EPSTI1: variants seen among roughly 807,000 people sequenced by gnomAD.
The protein encoded by EPSTI1 is epithelial-stromal interaction protein 1.
EPSTI1 carries 66 observed loss-of-function variants against 49.9 expected under a neutral mutation model. The observed-to-expected ratio is 1.32, with a 90% CI of 1.08 to 1.62. EPSTI1 has a LOEUF of 1.62. Among genes scored for constraint, EPSTI1 ranks in the 40% most tolerant of loss-of-function variants. EPSTI1 has a pLI of 0.00. For missense variants in EPSTI1, 394 were observed against 365.5 expected, an observed-to-expected ratio of 1.08 and a Z score of -0.64; for synonymous variants, 137 against 130.7, an observed-to-expected ratio of 1.05 and a Z score of -0.33.
rs1201718584 is a variant in EPSTI1, at chr13:42,886,757, G to GAAGT, written c.*1733_*1736dup. ...ACATATTCTAGATAGTTCTGGTCATGAAGTAAGTCACAATTTTCCATATCT... is the reference window on the plus strand; with the variant it reads ...ACATATTCTAGATAGTTCTGGTCATGAAGTAAGTAAGTCACAATTTTCCATATCT... On this transcript the variant is annotated 3_prime_UTR_variant, in exon 11 of 11. Coordinates refer to ENST00000313624, the MANE Select transcript of EPSTI1 (RefSeq NM_033255.5). 2 of 152,154 alleles carry GAAGT rather than the reference G, an allele frequency of 1.3e-5. No homozygotes were observed. Among genetic ancestry groups the GAAGT allele is most frequent in the African/African-American group, 4.8e-5 (2 of 41,426 alleles). The allele number at this position is 152,154 out of a possible 1,614,324, so 9.4% of individuals were successfully genotyped here.
intron 10 of EPSTI1, 103 bp from the exon 11 acceptor site, chr13:42,888,605 A>G (rs1048607318): frequency 1.8e-5 from 22 of 1,205,120 alleles, no homozygotes; most frequent in Non-Finnish European, 2.5e-5. Context: ...TTATGCATCA[A>G]GCTGAAATGA....
At chr13:42,904,586 T>C (rs1408158) in intron 8 of EPSTI1, among the ~76,000 whole-genome samples, 21,348 of 152,166 alleles carry the variant, frequency 0.14, 1,837 homozygotes, top group East Asian at 0.4. Flanking sequence ...AGTTATATTA[T>C]TGAAACTGTA....
At chr13:42,976,952 G>T (rs889792097) in intron 1 of EPSTI1, among the ~76,000 whole-genome samples, 1 of 152,110 alleles carries the variant, frequency 6.6e-6, no homozygotes, top group Non-Finnish European at 1.5e-5. Context: ...TTCCTAATTT[G>T]ATTATATATG....
intron 8 of EPSTI1, among the ~76,000 whole-genome samples, chr13:42,913,097 T>G (rs1438182545): frequency 8.0e-6 from 1 of 125,306 alleles, no homozygotes; most frequent in Non-Finnish European, 1.7e-5. Flanking sequence ...GAAGGGGGAG[T>G]GGAGAGAAGA....
Position 42,991,988 on chromosome 13 carries a change from C to A in EPSTI1, c.178G>T (p.Gly60Cys), listed in dbSNP as rs1257130230. The A allele has an allele frequency of 6.2e-7, 1 of 1,612,038 alleles. No individual in the cohort carries two copies. Among genetic ancestry groups the A allele is most frequent in the East Asian group, 2.2e-5 (1 of 44,764 alleles). ...GPSRESVVHA[G>C]QRRTSAYTLI... ...TGTTAAAATACTCACCGCCTCTGGCCCGCGTGCACGACGCTCTCCCGCGAA... is the reference window on the plus strand; with the variant it reads ...TGTTAAAATACTCACCGCCTCTGGCACGCGTGCACGACGCTCTCCCGCGAA... The change falls in exon 1 of 11, where the codon GGC (glycine) becomes TGC (cysteine). Residue 60 changes from glycine (G) to cysteine (C), a missense_variant. Physicochemically the swap from Gly to Cys is radical, Grantham distance 159. Coordinates refer to ENST00000313624, the MANE Select transcript of EPSTI1 (RefSeq NM_033255.5).
intron 8 of EPSTI1, among the ~76,000 whole-genome samples, chr13:42,913,178 A>T (rs2153416615): frequency 6.6e-6 from 1 of 152,256 alleles, no homozygotes; most frequent in Admixed American, 6.5e-5. Context: ...TAAAAAGTAA[A>T]TCATGCAGTA....
intron 6 of EPSTI1, among the ~76,000 whole-genome samples, chr13:42,950,265 C>T (rs1326551010): frequency 6.6e-6 from 1 of 152,214 alleles, no homozygotes; most frequent in African/African-American, 2.4e-5. Context: ...AGGGAAAAGA[C>T]AGTACTGCAA....
At chr13:42,929,614 C>T (rs1457966472) in intron 6 of EPSTI1, among the ~76,000 whole-genome samples, 1 of 152,112 alleles carries the variant, frequency 6.6e-6, no homozygotes, top group African/African-American at 2.4e-5. Context: ...TTGGTTAACG[C>T]ACATTGACAA....
At chr13:42,911,202 G>A (rs2037661833) in intron 8 of EPSTI1, among the ~76,000 whole-genome samples, 1 of 151,870 alleles carries the variant, frequency 6.6e-6, no homozygotes, top group South Asian at 2.1e-4. Flanking sequence ...GTCTTTATAA[G>A]ATTGGTCTAT....
chr13:42,960,152 T>C (rs900399298), intron 5 of EPSTI1, among the ~76,000 whole-genome samples: 1 of 152,186 alleles, frequency 6.6e-6, no homozygotes, highest in Non-Finnish European at 1.5e-5. Context: ...ATCTGGAAAC[T>C]ATATAATACC....
chr13:42,937,459 T>C (rs1247856319), intron 6 of EPSTI1, among the ~76,000 whole-genome samples: 1 of 152,210 alleles, frequency 6.6e-6, no homozygotes, highest in Non-Finnish European at 1.5e-5. Context: ...TAGAACTTCA[T>C]TCAGAATGGA....
intron 7 of EPSTI1, among the ~76,000 whole-genome samples, chr13:42,925,606 C>T (rs960848940): frequency 5.3e-5 from 8 of 152,188 alleles, no homozygotes; most frequent in South Asian, 2.1e-4. Context: ...GGGTCCTCAC[C>T]GTTCCTGCTC....
At chr13:42,900,493 G>T (rs1371423450) in intron 8 of EPSTI1, 110 bp from the exon 9 acceptor site, 2 of 1,060,214 alleles carry the variant, frequency 1.9e-6, no homozygotes, top group Admixed American at 4.6e-5. Context: ...TTTCATTTTT[G>T]AAACTTTTAC....
chr13:42,912,510 T>G (rs1384768399), intron 8 of EPSTI1, among the ~76,000 whole-genome samples: 1 of 152,188 alleles, frequency 6.6e-6, no homozygotes, highest in East Asian at 1.9e-4. Context: ...TTCAGCAGCA[T>G]ATCCAAATAC....
chr13:42,903,806 CACAGGTGAATTTATTTATAA>C (rs1486217697), intron 8 of EPSTI1, among the ~76,000 whole-genome samples: 1 of 152,014 alleles, frequency 6.6e-6, no homozygotes, highest in African/African-American at 2.4e-5. Context: ...TCAAAGGTGG[CACAGGTGAATTTATTTATAA>C]ACTTGGAGTG....
Position 42,892,290 on chromosome 13 carries a change from G to C in EPSTI1, c.915+2719C>G, listed in dbSNP as rs183319236. ...TATGCAGAGTCAGAATCTGACTTCT[G>C]TCAGTCTTGTATCGAGAACAGACTG... On this transcript the variant is annotated intron_variant, in intron 10 of 10. Transcript: ENST00000313624. Among the ~76,000 whole-genome samples, 356 of 152,336 alleles carry C rather than the reference G, an allele frequency of 2.3e-3. 10 individuals are homozygous for C. The highest frequency in any genetic ancestry group is 0.022 in the Admixed American group (339 of 15,304).
intron 6 of EPSTI1, among the ~76,000 whole-genome samples, chr13:42,933,584 A>C (rs1026563698): frequency 5.3e-5 from 8 of 152,164 alleles, no homozygotes; most frequent in African/African-American, 1.9e-4. Flanking sequence ...GTCATCCTTC[A>C]ACCTTCTGGT....
Position 42,902,108 on chromosome 13 carries a change from T to C in EPSTI1, c.742-1725A>G, listed in dbSNP as rs546088004. ...CAAAGGACATGAACTCATTTCTTAA[T>C]TTTTAAAAAACTGTATTATCTTTTG... On this transcript the variant is annotated intron_variant, in intron 8 of 10. Coordinates refer to ENST00000313624, the MANE Select transcript of EPSTI1 (RefSeq NM_033255.5). Among the ~76,000 whole-genome samples, 45 of 152,332 alleles carry C rather than the reference T, an allele frequency of 3.0e-4. 1 individual carries two copies. The South Asian group carries it at 9.1e-3, about 31-fold the overall frequency.
At chr13:42,931,564 G>A (rs1327401006) in intron 6 of EPSTI1, among the ~76,000 whole-genome samples, 1 of 152,166 alleles carries the variant, frequency 6.6e-6, no homozygotes, top group Non-Finnish European at 1.5e-5. Context: ...ATCAGCCCTG[G>A]ATCATTCCAC....
Sources: gnomAD v4.1 joint callset for allele counts (sites outside exome capture counted in the v4.1 genomes callset) on GRCh38, gnomAD v4.1.1 for gene constraint, MANE v1.5 for transcripts, NCBI Gene and HGNC (gene_info 2026-07-23, HGNC 2026-07-21) for gene names.